The following UBASH3B variants were observed in gnomAD, a reference collection of about 807,000 sequenced individuals.
The protein encoded by UBASH3B is ubiquitin associated and SH3 domain containing B.
UBASH3B carries 37 observed loss-of-function variants against 83.4 expected under a neutral mutation model. The ratio of observed to expected loss-of-function variants is 0.44; its 90% CI spans 0.34 to 0.58. The LOEUF (loss-of-function observed/expected upper bound fraction) is 0.58, where lower values mean the gene tolerates loss of function less well. Among genes scored for constraint, UBASH3B ranks in the 20% least tolerant of loss-of-function variants. The pLI is 0.01. For synonymous variants in UBASH3B, 304 were observed against 318.3 expected (o/e 0.96, Z 0.48); for missense variants, 657 against 827.2 (o/e 0.79, Z 2.52).
intron 1 of UBASH3B, among the ~76,000 whole-genome samples, chr11:122,763,153 T>C (rs1860474096): frequency 6.6e-6 from 1 of 152,106 alleles, no homozygotes. Context: ...TCATTGATCT[T>C]GGGGAGCAGA....
Position 122,806,427 on chromosome 11 carries a change from G to C in UBASH3B, c.1613G>C (p.Ser538Thr). Residue 538 changes from serine to threonine, a missense_variant, in exon 12 of 14, where the codon AGC becomes ACC. Transcript: ENST00000284273. The surrounding 1 kb of genome is among the most constrained non-coding windows in gnomAD (Gnocchi z 4.0). ...DTTYRPHIPISKLVVSESYDT... is the reference protein window; with the variant it reads ...DTTYRPHIPITKLVVSESYDT... ...TATTACAGACCTCACATTCCAATCA[G>C]CAAATTAGTTGTTTCAGAATCCTAT... is the stretch of plus-strand genomic sequence containing the variant. 1 of 1,601,952 alleles carries C rather than the reference G, an allele frequency of 6.2e-7. No homozygotes were observed. The highest frequency in any genetic ancestry group is 1.3e-5 in the African/African-American group (1 of 74,418).
In UBASH3B at chr11:122,759,158, C is replaced by T. The variant is rs1861329909; in HGVS notation, c.162-17061C>T. 6.6e-6 allele frequency among the ~76,000 whole-genome samples: 1 copy of T among 152,190 alleles called. No homozygotes were observed. The highest frequency in any genetic ancestry group is 6.5e-5 in the Admixed American group (1 of 15,284). The stretch of plus-strand genomic sequence containing the variant: ...GCTCACCCACATTGTTGGCAGAAGT[C>T]ATTTCCTTTTGGTTATATGACTGAG... On this transcript the variant is annotated intron_variant, in intron 1 of 13. Coordinates refer to ENST00000284273, the MANE Select transcript of UBASH3B (RefSeq NM_032873.5). The surrounding 1 kb of genome is among the most constrained non-coding windows in gnomAD (Gnocchi z 4.1).
chr11:122,684,507 T>C (rs1863784805), intron 1 of UBASH3B, among the ~76,000 whole-genome samples: 1 of 152,238 alleles, frequency 6.6e-6, no homozygotes, highest in Non-Finnish European at 1.5e-5. Flanking sequence ...TGACATATTA[T>C]GAAGGATGAG....
chr11:122,742,555 T>C (rs927549993), intron 1 of UBASH3B, among the ~76,000 whole-genome samples: 7 of 152,216 alleles, frequency 4.6e-5, no homozygotes, highest in Non-Finnish European at 7.3e-5. Flanking sequence ...TCTTGTCTCC[T>C]TTCAGCCACA....
chr11:122,711,639 T>C (rs1218598393), intron 1 of UBASH3B, among the ~76,000 whole-genome samples: 1 of 152,222 alleles, frequency 6.6e-6, no homozygotes, highest in Non-Finnish European at 1.5e-5. Context: ...TACTACCTCA[T>C]GCTGTGTAAC....
At chr11:122,716,528 T>C (rs1283664917) in intron 1 of UBASH3B, among the ~76,000 whole-genome samples, 1 of 152,196 alleles carries the variant, frequency 6.6e-6, no homozygotes, top group Non-Finnish European at 1.5e-5. Flanking sequence ...TCTGCCCCTC[T>C]AATATCCCTT....
intron 1 of UBASH3B, among the ~76,000 whole-genome samples, chr11:122,728,378 T>C (rs1293855989): frequency 1.3e-5 from 2 of 152,202 alleles, no homozygotes; most frequent in African/African-American, 4.8e-5. Context: ...CTCTTTATGG[T>C]GTTCCTGTTG....
At chr11:122,690,830 C>G (rs988514013) in intron 1 of UBASH3B, among the ~76,000 whole-genome samples, 1 of 152,132 alleles carries the variant, frequency 6.6e-6, no homozygotes, top group Non-Finnish European at 1.5e-5. Flanking sequence ...GGGTACAGCA[C>G]CTGGGAGAGT....
chr11:122,685,548 G>A (rs546239336), intron 1 of UBASH3B, among the ~76,000 whole-genome samples: 7 of 151,882 alleles, frequency 4.6e-5, no homozygotes, highest in East Asian at 1.9e-4. Context: ...TTTTTGTGTC[G>A]CTCTGTCACC....
chr11:122,686,162 T>C (rs2135913910), intron 1 of UBASH3B, among the ~76,000 whole-genome samples: 1 of 152,326 alleles, frequency 6.6e-6, no homozygotes, highest in East Asian at 1.9e-4. Flanking sequence ...CCTTAAGTGG[T>C]TTGGAGTCCT....
chr11:122,679,324 A>T (rs1231099469), intron 1 of UBASH3B, among the ~76,000 whole-genome samples: 3 of 152,240 alleles, frequency 2.0e-5, no homozygotes, highest in Non-Finnish European at 4.4e-5. Flanking sequence ...ATTGCATGGT[A>T]CTAGGGAGTC....
In UBASH3B at chr11:122,655,828, T is replaced by C; in HGVS notation, c.-222T>C. 1 of 496,738 alleles carries C rather than the reference T, an allele frequency of 2.0e-6. No homozygotes were observed. Among genetic ancestry groups the C allele is most frequent in the East Asian group, 3.6e-5 (1 of 27,908 alleles). 30.8% of individuals were successfully genotyped at this position (496,738 alleles called of 1,614,324 possible). Reference sequence around the variant, plus strand: ...AGCCGGGGGCCCGAGTGGCTGAGGCTGGTCCCGCAGCGGCCGCTTGCCGGC... The same window carrying C: ...AGCCGGGGGCCCGAGTGGCTGAGGCCGGTCCCGCAGCGGCCGCTTGCCGGC... On this transcript the variant is annotated 5_prime_UTR_variant, in exon 1 of 14. Coordinates refer to ENST00000284273, the MANE Select transcript of UBASH3B (RefSeq NM_032873.5).
At chr11:122,673,790 C>T (rs1213803088) in intron 1 of UBASH3B, among the ~76,000 whole-genome samples, 2 of 152,182 alleles carry the variant, frequency 1.3e-5, no homozygotes, top group African/African-American at 4.8e-5. Flanking sequence ...TCTGGAATTG[C>T]TCTTTCTGCA....
intron 5 of UBASH3B, among the ~76,000 whole-genome samples, chr11:122,784,182 C>A (rs372709217): frequency 3.0e-4 from 46 of 152,224 alleles, no homozygotes; most frequent in African/African-American, 1.1e-3. Flanking sequence ...GATCTGCACG[C>A]CTCGGTGTCT....
chr11:122,736,517 C>T (rs1248302096), intron 1 of UBASH3B, among the ~76,000 whole-genome samples: 1 of 150,816 alleles, frequency 6.6e-6, no homozygotes, highest in Non-Finnish European at 1.5e-5. Context: ...GCTAGGGGAA[C>T]ACAGAGAGAA....
chr11:122,671,891 G>A (rs1339200302), intron 1 of UBASH3B, among the ~76,000 whole-genome samples: 2 of 152,210 alleles, frequency 1.3e-5, no homozygotes, highest in Admixed American at 6.5e-5. Context: ...ATCTCAGTAT[G>A]TGAAGTTTTT....
At chr11:122,769,959 T>C (rs1053975318) in intron 1 of UBASH3B, among the ~76,000 whole-genome samples, 1 of 152,236 alleles carries the variant, frequency 6.6e-6, no homozygotes, top group Non-Finnish European at 1.5e-5. Flanking sequence ...TTTTTTAAAA[T>C]ATTGTAGTTC....
chr11:122,659,444 C>G (rs1863406310), intron 1 of UBASH3B, among the ~76,000 whole-genome samples: 1 of 152,152 alleles, frequency 6.6e-6, no homozygotes, highest in African/African-American at 2.4e-5. Context: ...ACTCCTTGCC[C>G]AGGCTTGCTT....
intron 1 of UBASH3B, among the ~76,000 whole-genome samples, chr11:122,731,917 G>A (rs753953061): frequency 4.6e-5 from 7 of 152,122 alleles, no homozygotes; most frequent in Non-Finnish European, 1.0e-4. Context: ...CCATGGCCAC[G>A]TTCTTTAGTA....
Sources: allele counts gnomAD v4.1 joint callset (sites outside exome capture counted in the v4.1 genomes callset), GRCh38; gene constraint gnomAD v4.1.1; non-coding constraint Gnocchi (gnomAD v3.1); transcripts MANE v1.5; gene names NCBI Gene and HGNC (gene_info 2026-07-23, HGNC 2026-07-21).